The following MAGEA10 variants were observed in gnomAD, a reference collection of about 807,000 sequenced individuals.
The protein encoded by MAGEA10 is MAGE family member A10, also known as melanoma-associated antigen 10.
MAGEA10 carries 7 observed loss-of-function variants against 8.6 expected under a neutral mutation model. That is an observed-to-expected ratio of 0.82 (90% CI 0.46 to 1.53). The LOEUF is 1.53. MAGEA10 is among the 40% of genes most tolerant of loss of function. The pLI is 0.01. For missense variants in MAGEA10, 293 were observed against 274.0 expected (o/e 1.07, Z -0.49); for synonymous variants, 125 against 107.4 (o/e 1.16, Z -1.02).
In MAGEA10 at chrX:152,135,547, AG is replaced by A. The variant is rs2124299394; in HGVS notation, c.73del (p.Leu25SerfsTer42). ...AGCCAGGGGAGCCTGTGCACCCTCG[AG>A]GCCCTGTGTCTCACTTTGGGATTGA... ...DLQSQSETQG[L>X]EGAQAPLAVE... On this transcript the variant is annotated frameshift_variant, in exon 4 of 4. Transcript: ENST00000370323. LOFTEE classifies it low-confidence loss of function (END_TRUNC). 8.6e-7 allele frequency: 1 copy of A among 1,158,638 alleles called. No homozygotes were observed. The highest frequency in any genetic ancestry group is 1.1e-6 in the Non-Finnish European group (1 of 871,501).
At chrX:152,138,119 C>A (rs1212281395) in intron 1 of MAGEA10, among the ~76,000 whole-genome samples, 1 of 110,887 alleles carries the variant, frequency 9.0e-6, no homozygotes, top group African/African-American at 3.3e-5. Flanking sequence ...CCCTTCCCTA[C>A]GTCAGCCTCA....
chrX:152,134,736 C>T lies in MAGEA10; in HGVS notation c.885G>A (p.Glu295=), dbSNP rs373631896. Residue 295 remains glutamate (E), a synonymous_variant, in exon 4 of 4, where the codon GAG becomes GAA. Coordinates refer to ENST00000370323, the MANE Select transcript of MAGEA10 (RefSeq NM_021048.5). ...QVPGSDPARY[E]FLWGPRAHAE... is the part of the protein sequence containing the mutation. Reference sequence around the variant, plus strand: ...CATGAGCCCTTGGACCCCACAGAAACTCATACCGTGCAGGATCACTGCCAG... The same window carrying T: ...CATGAGCCCTTGGACCCCACAGAAATTCATACCGTGCAGGATCACTGCCAG... 15 of 1,209,412 alleles carry T rather than the reference C, an allele frequency of 1.2e-5. No individual in the cohort carries two copies. Among genetic ancestry groups the T allele is most frequent in the South Asian group, 5.3e-5 (3 of 56,710 alleles).
At position 152,134,758 on chromosome X, in the gene MAGEA10, C is replaced by G; in HGVS notation, c.863G>C (p.Gly288Ala). 8.3e-7 allele frequency: 1 copy of G among 1,211,622 alleles called. No individual in the cohort carries two copies. Among genetic ancestry groups the G allele is most frequent in the Admixed American group, 2.2e-5 (1 of 46,055 alleles). Residue 288 changes from glycine (G) to alanine (A), a missense_variant, in exon 4 of 4, where the codon GGC becomes GCC. By Grantham distance (60) the Gly-to-Ala change is moderately conservative (BLOSUM62 0). Transcript: ENST00000370323. ...AAACTCATACCGTGCAGGATCACTG[C>G]CAGGCACCTGCCGGTACTCCAGGTA... ...ENYLEYRQVP[G>A]SDPARYEFLW... is the part of the protein sequence containing the mutation.
intron 1 of MAGEA10, among the ~76,000 whole-genome samples, chrX:152,137,238 C>T (rs1443881535): frequency 9.2e-6 from 1 of 109,071 alleles, no homozygotes; most frequent in Non-Finnish European, 1.9e-5. Flanking sequence ...CCCTTGGGTC[C>T]TGCAGATTCT....
At position 152,135,370 on chromosome X, in the gene MAGEA10, G is replaced by T; in HGVS notation, c.251C>A (p.Pro84His). 8.3e-7 allele frequency: 1 copy of T among 1,205,952 alleles called. No homozygotes were observed. Among genetic ancestry groups the T allele is most frequent in the Non-Finnish European group, 1.1e-6 (1 of 892,554 alleles). Residue 84 changes from proline (P) to histidine (H), a missense_variant, in exon 4 of 4, where the codon CCC (proline) becomes CAC (histidine). Transcript: ENST00000370323. Reference sequence around the variant, plus strand: ...GGAGCAGGCTATCTGAGCACTCTGGGGAGGATTTGGTGTCTCATCATCAGC... The same window carrying T: ...GGAGCAGGCTATCTGAGCACTCTGGTGAGGATTTGGTGTCTCATCATCAGC... ...VSADDETPNP[P>H]QSAQIACSSP...
rs933895260 is a variant in MAGEA10, at chrX:152,134,938, A to G, written c.683T>C (p.Ile228Thr). The G allele has an allele frequency of 2.5e-6, 3 of 1,208,504 alleles. No individual in the cohort carries two copies. Among genetic ancestry groups the G allele is most frequent in the African/African-American group, 3.5e-5 (2 of 56,813 alleles). ...VQSMPKTGIL[I>T]LILSIVFIEG... is the part of the protein sequence containing the mutation. Reference sequence around the variant, plus strand: ...TATGAAGACTATGCTTAGGATAAGTATGAGAATGCCAGTCTTGGGCATGCT... The same window carrying G: ...TATGAAGACTATGCTTAGGATAAGTGTGAGAATGCCAGTCTTGGGCATGCT... The change falls in exon 4 of 4, where the codon ATA (isoleucine) becomes ACA (threonine). Residue 228 changes from isoleucine (I) to threonine (T), a missense_variant. Physicochemically the swap from Ile to Thr is moderately conservative, Grantham distance 89. Transcript: ENST00000370323.
rs1936662011 is a variant in MAGEA10 at position 152,135,771 on chromosome X, C to T, written c.-76G>A. ...CAAAGGCCAACTTACAGGTCTTCTCCTTCAGTGCTGCTCTGTGGTGTCCCA... is the reference window on the plus strand; with the variant it reads ...CAAAGGCCAACTTACAGGTCTTCTCTTTCAGTGCTGCTCTGTGGTGTCCCA... On this transcript the variant is annotated 5_prime_UTR_variant, in exon 3 of 4. Coordinates refer to ENST00000370323, the MANE Select transcript of MAGEA10 (RefSeq NM_021048.5). The T allele has an allele frequency of 2.3e-6, 1 of 436,088 alleles. No individual in the cohort carries two copies. The highest frequency in any genetic ancestry group is 3.8e-5 in the Admixed American group (1 of 26,602). 35.9% of individuals were successfully genotyped at this position (436,088 alleles called of 1,213,427 possible). A position where few individuals can be genotyped will look rare whatever the true frequency, so the allele number is the denominator to read the frequency against.
At position 152,134,749 on chromosome X, in the gene MAGEA10, G is replaced by A; in HGVS notation, c.872C>T (p.Pro291Leu). The change falls in exon 4 of 4, where the codon CCT (proline) becomes CTT (leucine). Residue 291 changes from proline to leucine, a missense_variant. Pro to Leu is a moderately conservative substitution (Grantham distance 98). Transcript: ENST00000370323. ...ACCCCACAGAAACTCATACCGTGCA[G>A]GATCACTGCCAGGCACCTGCCGGTA... ...LEYRQVPGSD[P>L]ARYEFLWGPR... The A allele has an allele frequency of 8.3e-7, 1 of 1,211,523 alleles. No homozygotes were observed. Among genetic ancestry groups the A allele is most frequent in the Non-Finnish European group, 1.1e-6 (1 of 895,476 alleles).
In MAGEA10 at chrX:152,135,386, C is replaced by T; in HGVS notation, c.235G>A (p.Glu79Lys). ...GCACTCTGGGGAGGATTTGGTGTCT[C>T]ATCATCAGCAGAAACCTCCTCTGGG... ...STPEEVSADD[E>K]TPNPPQSAQI... The change falls in exon 4 of 4, where the codon GAG (glutamate) becomes AAG (lysine). Residue 79 changes from glutamate to lysine, a missense_variant. Coordinates refer to ENST00000370323, the MANE Select transcript of MAGEA10 (RefSeq NM_021048.5). The T allele has an allele frequency of 8.3e-7, 1 of 1,201,286 alleles. No individual in the cohort carries two copies.
intron 1 of MAGEA10, 140 bp downstream of exon 1, chrX:152,138,335 C>CGGGGGGGGGGGG (rs1242062065): frequency 7.6e-4 from 1 of 1,317 alleles, no homozygotes; most frequent in African/African-American, 3.0e-3. Flanking sequence ...AGAGTGGGGG[C>CGGGGGGGGGGGG]GGGGGTGGGG....
chrX:152,138,301 C>A (rs1167415874), intron 1 of MAGEA10, among the ~76,000 whole-genome samples, 174 bp downstream of exon 1: 5 of 96,809 alleles, frequency 5.2e-5, no homozygotes, highest in African/African-American at 2.0e-4. Flanking sequence ...CTCCCAGAGT[C>A]CCCTGCGGCT....
chrX:152,135,732 C>T (rs978669129), intron 3 of MAGEA10, 29 bp downstream of exon 3: 15 of 675,151 alleles, frequency 2.2e-5, no homozygotes, highest in Middle Eastern at 7.0e-4. Context: ...AGAACCACAC[C>T]CTGGAGGTTC....
chrX:152,134,622 A>G lies in MAGEA10; in HGVS notation c.999T>C (p.Ala333=), dbSNP rs1165344341. The change falls in exon 4 of 4, where the codon GCT becomes GCC. Residue 333 remains alanine, a synonymous_variant. Transcript: ENST00000370323. ...PRSFPLWYEE[A]LKDEEERAQD... ...GGGCTCTCTCTTCCTCATCTTTCAAAGCCTCCTCATACCACAGTGGGAAGG... is the reference window on the plus strand; with the variant it reads ...GGGCTCTCTCTTCCTCATCTTTCAAGGCCTCCTCATACCACAGTGGGAAGG... The G allele has an allele frequency of 8.3e-7, 1 of 1,209,955 alleles. No homozygotes were observed. The highest frequency in any genetic ancestry group is 3.0e-5 in the East Asian group (1 of 33,789).
chrX:152,137,802 C>A (rs1302981618), intron 1 of MAGEA10, among the ~76,000 whole-genome samples: 1 of 110,521 alleles, frequency 9.0e-6, no homozygotes, highest in African/African-American at 3.3e-5. Context: ...AGACACATCA[C>A]ATGGGCCACC....
chrX:152,138,570 T>A lies in MAGEA10; in HGVS notation c.-334A>T, dbSNP rs1336925213. On this transcript the variant is annotated 5_prime_UTR_variant, in exon 1 of 4. Transcript: ENST00000370323. ...TCGCTTCTCTCTGATCCCCGAGGCG[T>A]AAGTTAGTGGCGTCACATCCGGTCC... is the stretch of plus-strand genomic sequence containing the variant. 9.8e-6 allele frequency: 1 copy of A among 102,533 alleles called. No individual in the cohort carries two copies. The highest frequency in any genetic ancestry group is 1.1e-4 in the Admixed American group (1 of 9,178). 8.4% of individuals were successfully genotyped at this position (102,533 alleles called of 1,213,427 possible).
chrX:152,137,510 G>C (rs1021532798), intron 1 of MAGEA10, among the ~76,000 whole-genome samples: 1 of 98,912 alleles, frequency 1.0e-5, no homozygotes, highest in Non-Finnish European at 2.0e-5. Flanking sequence ...ATTTACTCCC[G>C]ACAGGGCCCA....
intron 2 of MAGEA10, among the ~76,000 whole-genome samples, chrX:152,136,375 G>A (rs1340874954): frequency 8.9e-6 from 1 of 111,736 alleles, no homozygotes; most frequent in Non-Finnish European, 1.9e-5. Context: ...ACAGCAAGAG[G>A]TGGCCATATT....
At chrX:152,138,341 T>TGGGGGGGGGGGAGGGGGGGGGGGGG (rs11365460) in intron 1 of MAGEA10, 134 bp downstream of exon 1, 2 of 26,416 alleles carry the variant, frequency 7.6e-5, no homozygotes, top group Non-Finnish European at 1.5e-4. Context: ...GGGGCGGGGG[T>TGGGGGGGGGGGAGGGGGGGGGGGGG]GGGGGGGGGG....
intron 1 of MAGEA10, among the ~76,000 whole-genome samples, chrX:152,137,981 A>T (rs1936716737): frequency 9.1e-6 from 1 of 110,107 alleles, no homozygotes; most frequent in Non-Finnish European, 1.9e-5. Flanking sequence ...GAGTGAAGAG[A>T]CATCTCGGTC....
Sources: allele counts gnomAD v4.1 joint callset (sites outside exome capture counted in the v4.1 genomes callset), GRCh38; gene constraint gnomAD v4.1.1; transcripts MANE v1.5; gene names NCBI Gene and HGNC (gene_info 2026-07-23, HGNC 2026-07-21).